The following BZW2 variants were observed in gnomAD, a reference collection of about 807,000 sequenced individuals.
The protein encoded by BZW2 is basic leucine zipper and W2 domains 2, also known as eIF5-mimic protein 1.
BZW2 carries 23 observed loss-of-function variants against 53.2 expected under a neutral mutation model. The observed-to-expected ratio is 0.43, with a 90% CI of 0.31 to 0.61. The LOEUF (loss-of-function observed/expected upper bound fraction) is 0.61. Ranked by LOEUF, BZW2 falls within the 20% of genes least tolerant of loss-of-function variation. The pLI, the probability that BZW2 is intolerant of heterozygous loss-of-function variation, is 0.09. For synonymous variants in BZW2, 227 were observed against 186.4 expected, an observed-to-expected ratio of 1.22 and a Z score of -1.77; for missense variants, 409 against 503.1, an observed-to-expected ratio of 0.81 and a Z score of 1.79.
At chr7:16,699,768 C>G (rs1562498742) in intron 10 of BZW2, among the ~76,000 whole-genome samples, 1 of 152,176 alleles carries the variant, frequency 6.6e-6, no homozygotes, top group Non-Finnish European at 1.5e-5. Context: ...TCAGATTTCT[C>G]ATTTTAACCA....
In BZW2 at chr7:16,691,562, G is replaced by A. The variant is rs540985962; in HGVS notation, c.651+1656G>A. On this transcript the variant is annotated intron_variant, in intron 7 of 11. Coordinates refer to ENST00000258761, the MANE Select transcript of BZW2 (RefSeq NM_014038.3). ...CCAGAACACAGAGACTGAACTGAACGTCTCAAGTACCTTAAAAACTCACCT... is the reference window on the plus strand; with the variant it reads ...CCAGAACACAGAGACTGAACTGAACATCTCAAGTACCTTAAAAACTCACCT... 1.2e-4 allele frequency among the ~76,000 whole-genome samples: 18 copies of A among 152,284 alleles called. No individual in the cohort carries two copies. The South Asian group carries it at 2.5e-3, about 21-fold the overall frequency.
chr7:16,704,776 C>T (rs1783780885), intron 11 of BZW2, 107 bp downstream of exon 11: 2 of 1,178,416 alleles, frequency 1.7e-6, no homozygotes, highest in Non-Finnish European at 2.2e-6. Context: ...AACTAAAATT[C>T]TAGAGTTATC....
At chr7:16,665,857 T>C (rs1275668595) in intron 2 of BZW2, among the ~76,000 whole-genome samples, 1 of 152,228 alleles carries the variant, frequency 6.6e-6, no homozygotes, top group Non-Finnish European at 1.5e-5. Context: ...GCAAAGATGA[T>C]AAAATGAAAA....
At chr7:16,696,717 C>G (rs1355590316) in intron 8 of BZW2, among the ~76,000 whole-genome samples, 198 bp from the exon 9 acceptor site, 1 of 145,374 alleles carries the variant, frequency 6.9e-6, no homozygotes, top group African/African-American at 2.7e-5. Flanking sequence ...AATTTTGGGA[C>G]TAAAAATAAA....
At chr7:16,699,613 A>G in intron 10 of BZW2, among the ~76,000 whole-genome samples, 1 of 148,622 alleles carries the variant, frequency 6.7e-6, no homozygotes. Context: ...TTTCTCACCA[A>G]TTTTTTTTTT....
intron 1 of BZW2, among the ~76,000 whole-genome samples, chr7:16,647,288 G>A (rs1781892177): frequency 1.3e-5 from 2 of 152,172 alleles, no homozygotes; most frequent in East Asian, 1.9e-4. Context: ...TCAAAGAGAC[G>A]TGTATGTGTC....
intron 3 of BZW2, among the ~76,000 whole-genome samples, chr7:16,678,116 G>GCTGT (rs1456526922): frequency 1.3e-5 from 1 of 75,908 alleles, no homozygotes; most frequent in Non-Finnish European, 2.5e-5. Context: ...TTTTTTTAAT[G>GCTGT]CTGTCGCCCA....
chr7:16,704,738 C>T, intron 11 of BZW2, 69 bp downstream of exon 11: 2 of 1,361,894 alleles, frequency 1.5e-6, no homozygotes, highest in Admixed American at 2.4e-5. Context: ...ATATTTACCT[C>T]TTCCACAGAT....
chr7:16,692,311 G>A (rs937619215), intron 7 of BZW2, among the ~76,000 whole-genome samples: 1 of 152,176 alleles, frequency 6.6e-6, no homozygotes, highest in African/African-American at 2.4e-5. Flanking sequence ...TATTCAATAA[G>A]TATGTATCGA....
At chr7:16,680,128 A>C (rs1333317981) in intron 3 of BZW2, among the ~76,000 whole-genome samples, 2 of 152,152 alleles carry the variant, frequency 1.3e-5, no homozygotes, top group African/African-American at 4.8e-5. Context: ...CTGGGTTAGC[A>C]AAGGAGGGAG....
intron 11 of BZW2, among the ~76,000 whole-genome samples, chr7:16,705,298 C>T (rs1783806149): frequency 7.2e-6 from 1 of 138,980 alleles, no homozygotes; most frequent in Admixed American, 7.4e-5. Flanking sequence ...GCAGAGGTTG[C>T]AGTGAGCCAA....
At chr7:16,654,842 A>G (rs542059619) in intron 1 of BZW2, among the ~76,000 whole-genome samples, 9 of 152,184 alleles carry the variant, frequency 5.9e-5, no homozygotes, top group African/African-American at 2.2e-4. Context: ...CCCAGCCTGT[A>G]TACTATACTG....
At chr7:16,705,473 C>T (rs968635547) in intron 11 of BZW2, among the ~76,000 whole-genome samples, 4 of 151,966 alleles carry the variant, frequency 2.6e-5, no homozygotes, top group Non-Finnish European at 5.9e-5. Flanking sequence ...ATCATGAGGT[C>T]GGGAGATCGA....
chr7:16,655,994 CA>C (rs74513234), intron 1 of BZW2, among the ~76,000 whole-genome samples: 11,207 of 149,788 alleles, frequency 0.075, 485 homozygotes, highest in South Asian at 0.11. Flanking sequence ...AACCACAGTG[CA>C]AAAAAAAATT....
chr7:16,693,986 T>G (rs1783402293), intron 7 of BZW2, among the ~76,000 whole-genome samples: 1 of 152,204 alleles, frequency 6.6e-6, no homozygotes, highest in Admixed American at 6.5e-5. Flanking sequence ...TATATGCAAG[T>G]CTAACCAATA....
In BZW2 at chr7:16,665,465, G is replaced by C; in HGVS notation, c.22G>C (p.Val8Leu). ...TTTTATGAATAAGCATCAGAAGCCAGTGCTAACAGGCCAGCGGTTCAAAAC... is the reference window on the plus strand; with the variant it reads ...TTTTATGAATAAGCATCAGAAGCCACTGCTAACAGGCCAGCGGTTCAAAAC... MNKHQKPVLTGQRFKTRK... is the reference protein window; with the variant it reads MNKHQKPLLTGQRFKTRK... Residue 8 changes from valine to leucine, a missense_variant, in exon 2 of 12, where the codon GTG (valine) becomes CTG (leucine). This residue lies in a region of BZW2 where 316 missense variants were observed against 366.8 expected (regional missense o/e 0.86). Transcript: ENST00000258761. The C allele has an allele frequency of 6.2e-7, 1 of 1,614,104 alleles. No homozygotes were observed. Among genetic ancestry groups the C allele is most frequent in the Non-Finnish European group, 8.5e-7 (1 of 1,180,028 alleles).
chr7:16,670,394 C>T (rs1039964519), intron 2 of BZW2, among the ~76,000 whole-genome samples: 20 of 152,202 alleles, frequency 1.3e-4, no homozygotes, highest in Non-Finnish European at 7.3e-5. Context: ...TATCCATTTA[C>T]ATTTCCCAAT....
chr7:16,667,296 A>G (rs1224505318), intron 2 of BZW2, among the ~76,000 whole-genome samples: 2 of 152,000 alleles, frequency 1.3e-5, no homozygotes, highest in East Asian at 3.8e-4. Flanking sequence ...AAAAAAACAA[A>G]AAAAAAAACG....
Position 16,698,169 on chromosome 7 carries a change from T to C in BZW2, c.1091T>C (p.Val364Ala). The stretch of plus-strand genomic sequence containing the variant: ...TTCATGAAAGCCTTTCAGAAGATTG[T>C]GGTTCTCTTTTATAAAGGTATCCAT... ...IHFMKAFQKI[V>A]VLFYKADVLS... Residue 364 changes from valine (V) to alanine (A), a missense_variant, in exon 10 of 12, where the codon GTG becomes GCG. Around this residue, in one of 3 missense-constraint regions of BZW2, gnomAD observed 88 missense variants for 114.6 expected, o/e 0.77. Coordinates refer to ENST00000258761, the MANE Select transcript of BZW2 (RefSeq NM_014038.3). 3 of 1,614,196 alleles carry C rather than the reference T, an allele frequency of 1.9e-6. No homozygotes were observed. The highest frequency in any genetic ancestry group is 2.5e-6 in the Non-Finnish European group (3 of 1,180,014).
Sources: gnomAD v4.1 joint callset for allele counts (sites outside exome capture counted in the v4.1 genomes callset) on GRCh38, gnomAD v4.1.1 for gene constraint, gnomAD v4.1.1 regional missense constraint, MANE v1.5 for transcripts, NCBI Gene and HGNC (gene_info 2026-07-23, HGNC 2026-07-21) for gene names.